Variants in FAM161A observed in about 807,000 individuals in gnomAD.
The protein encoded by FAM161A is FAM161 centrosomal protein A.
In FAM161A, 57 loss-of-function variants were observed where a neutral mutation model predicts 70.9. The ratio of observed to expected loss-of-function variants is 0.80; its 90% CI spans 0.65 to 1.00. FAM161A has a LOEUF of 1.00. Ranked by LOEUF, FAM161A falls within the 50% of genes least tolerant of loss-of-function variation. The probability of loss-of-function intolerance (pLI) is 0.00; values close to 1 mark genes in which losing one functional copy is unlikely to be tolerated. For synonymous variants in FAM161A, 299 were observed against 295.7 expected, an observed-to-expected ratio of 1.01 and a Z score of -0.12; for missense variants, 880 against 836.0, an observed-to-expected ratio of 1.05 and a Z score of -0.65.
chr2:61,840,719 C>G, intron 2 of FAM161A, 138 bp from the exon 3 acceptor site: 1 of 664,150 alleles, frequency 1.5e-6, no homozygotes, highest in Non-Finnish European at 2.6e-6. Context: ...GGTGTGATAT[C>G]GGCTCACTGC....
chr2:61,822,300 A>C (rs1261829791), downstream of FAM161A, among the ~76,000 whole-genome samples: 1 of 152,002 alleles, frequency 6.6e-6, no homozygotes, highest in Non-Finnish European at 1.5e-5. Flanking sequence ...AAATTTTAAA[A>C]AGTTATTCCT....
chr2:61,821,571 T>C (rs1376521203), downstream of FAM161A, among the ~76,000 whole-genome samples: 1 of 152,006 alleles, frequency 6.6e-6, no homozygotes, highest in Non-Finnish European at 1.5e-5. Flanking sequence ...TCAGTCTATA[T>C]TAGTTGTAAA....
chr2:61,817,885 G>C, the FAM161A span, among the ~76,000 whole-genome samples: 16 of 152,026 alleles, frequency 1.1e-4, no homozygotes, highest in Admixed American at 8.5e-4. Context: ...AGGATCGCTT[G>C]AACCTAGGAG....
chr2:61,843,993 A>C (rs1558487977), intron 1 of FAM161A, among the ~76,000 whole-genome samples: 1 of 152,106 alleles, frequency 6.6e-6, no homozygotes, highest in East Asian at 1.9e-4. Context: ...AATACAAAAA[A>C]TTAGCCAGGT....
chr2:61,838,574 A>G lies in FAM161A; in HGVS notation c.1715T>C (p.Leu572Ser), dbSNP rs1323094309. The G allele has an allele frequency of 1.1e-5, 18 of 1,611,160 alleles. No homozygotes were observed. The highest frequency in any genetic ancestry group is 1.5e-5 in the Non-Finnish European group (18 of 1,178,960). Reference sequence around the variant, plus strand: ...TACTCTGGATTTAGATATTTGAGCTAAACTTTGATGTGAGTCATAAGCCTT... The same window carrying G: ...TACTCTGGATTTAGATATTTGAGCTGAACTTTGATGTGAGTCATAAGCCTT... ...RAKAYDSHQS[L>S]AQISKSRVKC... Residue 572 changes from leucine (L) to serine (S), a missense_variant, in exon 4 of 7, where the codon TTA (leucine) becomes TCA (serine). Leu to Ser is a moderately radical substitution (Grantham distance 145). Coordinates refer to ENST00000404929, the MANE Select transcript of FAM161A (RefSeq NM_001201543.2).
intron 5 of FAM161A, among the ~76,000 whole-genome samples, chr2:61,828,765 G>C (rs930494447): frequency 2.6e-5 from 4 of 152,204 alleles, no homozygotes; most frequent in African/African-American, 9.6e-5. Flanking sequence ...AAAAGAATAT[G>C]AATTTAGAAC....
chr2:61,804,770 GAA>G, the FAM161A span, among the ~76,000 whole-genome samples: 1 of 100,130 alleles, frequency 1.0e-5, no homozygotes, highest in East Asian at 2.6e-4. Flanking sequence ...AAAAGAAAGA[GAA>G]AGAAAGAAAG....
chr2:61,817,811 T>A, the FAM161A span, among the ~76,000 whole-genome samples: 1 of 151,394 alleles, frequency 6.6e-6, no homozygotes, highest in African/African-American at 2.4e-5. Context: ...TACAAAAAAA[T>A]TAAAAATTAG....
intron 1 of FAM161A, among the ~76,000 whole-genome samples, chr2:61,849,955 G>A (rs531483458): frequency 1.3e-4 from 19 of 151,212 alleles, no homozygotes; most frequent in South Asian, 2.1e-4. Flanking sequence ...CAGACACTGC[G>A]GGCTACCACC....
chr2:61,813,718 C>CAAAA, the FAM161A span, among the ~76,000 whole-genome samples: 2 of 87,014 alleles, frequency 2.3e-5, no homozygotes, highest in South Asian at 3.8e-4. Context: ...GACCCTGTCT[C>CAAAA]AAAAAAAAAA....
chr2:61,843,829 A>G (rs1673106316), intron 1 of FAM161A, among the ~76,000 whole-genome samples: 1 of 152,146 alleles, frequency 6.6e-6, no homozygotes, highest in Non-Finnish European at 1.5e-5. Flanking sequence ...GGGTAACTTA[A>G]AGAAAACAAC....
intron 5 of FAM161A, among the ~76,000 whole-genome samples, chr2:61,832,256 A>C (rs1672608560): frequency 1.3e-5 from 2 of 151,526 alleles, no homozygotes; most frequent in African/African-American, 4.8e-5. Context: ...CACACAAAAA[A>C]AAACCAACAA....
chr2:61,848,589 C>A (rs1673315488), intron 1 of FAM161A, among the ~76,000 whole-genome samples: 1 of 151,388 alleles, frequency 6.6e-6, no homozygotes, highest in African/African-American at 2.4e-5. Context: ...GATAATGAAT[C>A]CTTCCAGTAC....
At position 61,836,066 on chromosome 2, in the gene FAM161A, C is replaced by G. The variant is rs1672761542; in HGVS notation, c.1795G>C (p.Glu599Gln). 1 of 1,611,000 alleles carries G rather than the reference C, an allele frequency of 6.2e-7. No individual in the cohort carries two copies. Among genetic ancestry groups the G allele is most frequent in the African/African-American group, 1.3e-5 (1 of 74,606 alleles). ...TTTTTTAATTTTTCTTCTCTTTCTT[C>G]TAGTTCTCGTTGGTATTCTCTCATC... is the stretch of plus-strand genomic sequence containing the variant. ...ERMREYQREL[E>Q]EREEKLKKRP... Residue 599 changes from glutamate (E) to glutamine (Q), a missense_variant, in exon 5 of 7, where the codon GAA (glutamate) becomes CAA (glutamine). Glu to Gln is a conservative substitution (Grantham distance 29). Coordinates refer to ENST00000404929, the MANE Select transcript of FAM161A (RefSeq NM_001201543.2).
chr2:61,803,002 G>A, the FAM161A span: 1 of 177,434 alleles, frequency 5.6e-6, no homozygotes, highest in Non-Finnish European at 1.2e-5. Context: ...GGGATGTTTT[G>A]TTCTCTATAG....
chr2:61,839,339 A>G, intron 3 of FAM161A, 82 bp downstream of exon 3: 1 of 1,289,826 alleles, frequency 7.8e-7, no homozygotes, highest in Non-Finnish European at 1.1e-6. Flanking sequence ...GTATTTTCAA[A>G]TTTACCAACA....
chr2:61,835,112 T>C (rs1417234433), intron 5 of FAM161A, among the ~76,000 whole-genome samples: 1 of 152,226 alleles, frequency 6.6e-6, no homozygotes, highest in Non-Finnish European at 1.5e-5. Flanking sequence ...ACAATACATG[T>C]CCACTGTCCT....
the FAM161A span, among the ~76,000 whole-genome samples, chr2:61,810,851 A>T: frequency 1.3e-5 from 2 of 152,202 alleles, no homozygotes; most frequent in Non-Finnish European, 2.9e-5. Context: ...TAGAGGAATG[A>T]GGGTGAACTT....
At chr2:61,843,239 TG>T (rs1201875438) in intron 1 of FAM161A, among the ~76,000 whole-genome samples, 1 of 152,168 alleles carries the variant, frequency 6.6e-6, no homozygotes, top group Non-Finnish European at 1.5e-5. Context: ...TGCCTTCTCC[TG>T]CCTCAGACTC....
Sources: allele counts gnomAD v4.1 joint callset (sites outside exome capture counted in the v4.1 genomes callset), GRCh38; gene constraint gnomAD v4.1.1; transcripts MANE v1.5; gene names NCBI Gene and HGNC (gene_info 2026-07-23, HGNC 2026-07-21).